Variants in CAPN15 observed in about 807,000 individuals in gnomAD.
The protein encoded by CAPN15 is calpain 15.
CAPN15 carries 53 observed loss-of-function variants against 97.9 expected under a neutral mutation model. The observed-to-expected ratio is 0.54, with a 90% CI of 0.43 to 0.68. The LOEUF is 0.68. Among genes scored for constraint, CAPN15 ranks in the 30% least tolerant of loss-of-function variants. The pLI, the probability that CAPN15 is intolerant of heterozygous loss-of-function variation, is 0.00. For missense variants in CAPN15, 1,592 were observed against 1,589.8 expected, an observed-to-expected ratio of 1.00 and a Z score of -0.02; for synonymous variants, 922 against 722.5, an observed-to-expected ratio of 1.28 and a Z score of -4.43.
Position 551,336 on chromosome 16 carries a change from A to T in CAPN15, c.2101A>T (p.Met701Leu). Residue 701 changes from methionine (M) to leucine (L), a missense_variant, in exon 8 of 14, where the codon ATG (methionine) becomes TTG (leucine). By Grantham distance (15) the Met-to-Leu change is conservative. This residue lies in a region of CAPN15 where 644 missense variants were observed against 699.6 expected (regional missense o/e 0.92). Transcript: ENST00000219611. Reference protein sequence around the residue: ...LMGASCGGGNMKVDDSAYESL... With the variant: ...LMGASCGGGNLKVDDSAYESL... ...GGGTGCCTCCTGTGGCGGGGGCAAC[A>T]TGAAGGTGGACGATTCGGCCTACGA... The T allele has an allele frequency of 6.2e-7, 1 of 1,606,736 alleles. No homozygotes were observed. The highest frequency in any genetic ancestry group is 8.5e-7 in the Non-Finnish European group (1 of 1,177,174).
At chr16:551,851 T>G (rs1567159508) in intron 9 of CAPN15, 187 bp downstream of exon 9, 2 of 988,182 alleles carry the variant, frequency 2.0e-6, no homozygotes, top group Non-Finnish European at 3.1e-6. Flanking sequence ...GTCAGCAGAT[T>G]CCAGCGCCCT....
At chr16:539,500 G>C (rs1159597847) in intron 3 of CAPN15, 1 of 152,316 alleles carries the variant, frequency 6.6e-6, no homozygotes, top group Non-Finnish European at 1.5e-5. Flanking sequence ...TGGACAGCCT[G>C]TGCCTCTCCC....
chr16:533,826 G>A (rs962422780), intron 1 of CAPN15, 120 bp from the exon 2 acceptor site: 5 of 321,200 alleles, frequency 1.6e-5, no homozygotes, highest in East Asian at 3.4e-4. Context: ...AGGGTCTCCC[G>A]GGGCTGATTT....
chr16:534,169 C>T (rs938546809), intron 2 of CAPN15, among the ~76,000 whole-genome samples, 171 bp downstream of exon 2: 1 of 29,326 alleles, frequency 3.4e-5, no homozygotes, highest in East Asian at 0.026. Context: ...CCTCGTTCTC[C>T]CAGCCGTTTG....
At chr16:551,004 G>A (rs2035006484) in intron 7 of CAPN15, among the ~76,000 whole-genome samples, 1 of 143,234 alleles carries the variant, frequency 7.0e-6, no homozygotes, top group Admixed American at 6.9e-5. Context: ...CGGTCGGTGA[G>A]GGTCCCCTGT....
chr16:550,251 T>A (rs910489252), intron 7 of CAPN15, among the ~76,000 whole-genome samples: 1 of 152,212 alleles, frequency 6.6e-6, no homozygotes, highest in Non-Finnish European at 1.5e-5. Context: ...AGTGCCCCGG[T>A]GCGAGCACCT....
rs188257586 is a variant in CAPN15 at position 542,333 on chromosome 16, A to G, written c.-22-4484A>G. Among the ~76,000 whole-genome samples the G allele has an allele frequency of 2.0e-5, 3 of 152,302 alleles. No individual in the cohort carries two copies. The East Asian group carries it at 5.8e-4, about 29-fold the overall frequency. ...TTGCTGGGGCGTGTGGTGAACTTTC[A>G]TAATGTCTTGAGGAACTGCCAAGCC... On this transcript the variant is annotated intron_variant, in intron 3 of 13. Transcript: ENST00000219611.
chr16:547,231 G>C lies in CAPN15; in HGVS notation c.393G>C (p.Lys131Asn), dbSNP rs779210308. 1 of 1,517,510 alleles carries C rather than the reference G, an allele frequency of 6.6e-7. No homozygotes were observed. The allele number at this position is 1,517,510 out of a possible 1,614,324, so 94.0% of individuals were successfully genotyped here. ...GCGAGGACAAGGACGAGGAGGAGAA[G>C]GAGGAGCAGGAGGAGGAGGAGGGAG... ...GQCEDKDEEE[K>N]EEQEEEEGAA... Residue 131 changes from lysine to asparagine, a missense_variant, in exon 4 of 14, where the codon AAG (lysine) becomes AAC (asparagine). Transcript: ENST00000219611.
chr16:544,323 G>A (rs2034377238), intron 3 of CAPN15, among the ~76,000 whole-genome samples: 1 of 152,080 alleles, frequency 6.6e-6, no homozygotes, highest in Non-Finnish European at 1.5e-5. Flanking sequence ...GGCTGCCCCG[G>A]CCGGACGGGG....
chr16:528,310 G>A (rs2032999056), intron 1 of CAPN15, among the ~76,000 whole-genome samples: 1 of 151,980 alleles, frequency 6.6e-6, no homozygotes, highest in East Asian at 1.9e-4. Flanking sequence ...TGGGCCATGT[G>A]GGTCACTTGA....
In CAPN15 at chr16:552,204, G is replaced by A. The variant is rs1379363638; in HGVS notation, c.2499G>A (p.Glu833=). The A allele has an allele frequency of 1.3e-6, 2 of 1,533,924 alleles. No individual in the cohort carries two copies. The highest frequency in any genetic ancestry group is 1.4e-5 in the African/African-American group (1 of 72,704). Residue 833 remains glutamate (E), a synonymous_variant, in exon 10 of 14, where the codon GAG becomes GAA. Transcript: ENST00000219611. The surrounding 1 kb of genome is among the most constrained non-coding windows in gnomAD (Gnocchi z 6.4). The part of the protein sequence containing the change: ...RASLEFALFQ[E]GSRRSDAVDS... Reference sequence around the variant, plus strand: ...CGCTGGAGTTCGCGCTCTTCCAGGAGGGCAGCAGGTGGGTGCTGCGGGGCC... The same window carrying A: ...CGCTGGAGTTCGCGCTCTTCCAGGAAGGCAGCAGGTGGGTGCTGCGGGGCC...
intron 3 of CAPN15, among the ~76,000 whole-genome samples, chr16:536,675 C>T (rs560154472): frequency 2.6e-5 from 4 of 152,310 alleles, no homozygotes; most frequent in South Asian, 2.1e-4. Context: ...CCACCCACCT[C>T]GGCCTCCCAC....
chr16:546,871 C>G lies in CAPN15; in HGVS notation c.33C>G (p.Arg11=). The G allele has an allele frequency of 6.2e-7, 1 of 1,611,420 alleles. No individual in the cohort carries two copies. Among genetic ancestry groups the G allele is most frequent in the Non-Finnish European group, 8.5e-7 (1 of 1,179,524 alleles). The change falls in exon 4 of 14, where the codon CGC becomes CGG. Residue 11 remains arginine (R), a synonymous_variant. Transcript: ENST00000219611. MATVGEWSCV[R]CTFLNPAGQR... is the part of the protein sequence containing the mutation. ...CGGTCGGAGAGTGGTCCTGTGTGCG[C>G]TGCACCTTCCTGAACCCGGCCGGCC...
chr16:527,987 TG>T lies in CAPN15; in HGVS notation c.-231del, dbSNP rs1256613664. 7.4e-6 allele frequency: 1 copy of T among 134,406 alleles called. No individual in the cohort carries two copies. The highest frequency in any genetic ancestry group is 2.7e-5 in the African/African-American group (1 of 37,546). 8.3% of individuals were successfully genotyped at this position (134,406 alleles called of 1,614,324 possible). A position where few individuals can be genotyped will look rare whatever the true frequency, so the allele number is the denominator to read the frequency against. ...GCGGGCCCGGGGGCCGGGGCCGCGC[TG>T]CCCGGGCCGCGAGGACGAGGCGGCG... On this transcript the variant is annotated 5_prime_UTR_variant, in exon 1 of 14. Transcript: ENST00000219611.
chr16:534,012 C>T lies in CAPN15; in HGVS notation c.-137+14C>T. The T allele has an allele frequency of 1.0e-6, 1 of 984,742 alleles. No individual in the cohort carries two copies. The highest frequency in any genetic ancestry group is 1.2e-6 in the Non-Finnish European group (1 of 829,278). The allele number at this position is 984,742 out of a possible 1,614,324, so 61.0% of individuals were successfully genotyped here. ...CTGCAGCTTCAGGTGAGTTTGTTCC[C>T]AAGCCCTGCGGCTCGTTTATGGGTT... On this transcript the variant is annotated intron_variant, in intron 2 of 13. Transcript: ENST00000219611.
chr16:531,235 C>T (rs1223944147), intron 1 of CAPN15, among the ~76,000 whole-genome samples: 2 of 152,292 alleles, frequency 1.3e-5, no homozygotes, highest in East Asian at 3.9e-4. Flanking sequence ...GGGTCGTGCT[C>T]TGTTGCCCAC....
Position 551,716 on chromosome 16 carries a change from A to G in CAPN15, c.2345+52A>G, listed in dbSNP as rs58850286. ...CGCCGCCCCCGCCCTCCTAGGGCCG[A>G]GTCCTTCTCTGGAGAACAAGCCTGT... On this transcript the variant is annotated intron_variant, in intron 9 of 13. Coordinates refer to ENST00000219611, the MANE Select transcript of CAPN15 (RefSeq NM_005632.3). 2.0e-3 allele frequency: 3,213 copies of G among 1,574,426 alleles called. 56 individuals carry two copies. The African/African-American group carries it at 0.036, about 17-fold the overall frequency.
chr16:540,187 G>C, intron 3 of CAPN15: 2 of 985,494 alleles, frequency 2.0e-6, no homozygotes, highest in African/African-American at 3.5e-5. Flanking sequence ...CGGCCGGGGG[G>C]CCATGGGGAG....
At chr16:532,416 G>A (rs1295098810) in intron 1 of CAPN15, among the ~76,000 whole-genome samples, 3 of 151,416 alleles carry the variant, frequency 2.0e-5, no homozygotes, top group East Asian at 1.9e-4. Flanking sequence ...TTAGCTGGGC[G>A]TGGTGGTGTG....
Sources: allele counts gnomAD v4.1 joint callset (sites outside exome capture counted in the v4.1 genomes callset), GRCh38; gene constraint gnomAD v4.1.1; regional missense constraint gnomAD v4.1.1; non-coding constraint Gnocchi (gnomAD v3.1); transcripts MANE v1.5; gene names NCBI Gene and HGNC (gene_info 2026-07-23, HGNC 2026-07-21).